CRACDL: variants seen among roughly 807,000 people sequenced by gnomAD.
The protein encoded by CRACDL is CRACD like, also known as CRACD-like protein.
A neutral mutation model predicts 70.6 loss-of-function variants in CRACDL; 26 were observed. The ratio of observed to expected loss-of-function variants is 0.37; its 90% CI spans 0.27 to 0.51. The LOEUF is 0.51. CRACDL is among the 20% of genes least tolerant of loss of function. The probability of loss-of-function intolerance (pLI) is 0.94; values close to 1 mark genes in which losing one functional copy is unlikely to be tolerated. For missense variants in CRACDL, 1,283 were observed against 1,376.9 expected, an observed-to-expected ratio of 0.93 and a Z score of 1.08; for synonymous variants, 618 against 615.2, an observed-to-expected ratio of 1.00 and a Z score of -0.07.
At chr2:98,861,312 A>C (rs535065330) in intron 1 of CRACDL, among the ~76,000 whole-genome samples, 1 of 152,324 alleles carries the variant, frequency 6.6e-6, no homozygotes, top group South Asian at 2.1e-4. Flanking sequence ...ATGCCACTGC[A>C]CTCCAGCGTG....
At chr2:98,865,173 T>G (rs1212252612) in intron 1 of CRACDL, among the ~76,000 whole-genome samples, 1 of 152,026 alleles carries the variant, frequency 6.6e-6, no homozygotes, top group African/African-American at 2.4e-5. Context: ...CCAATAGCAC[T>G]CCGTTTCCTT....
intron 1 of CRACDL, among the ~76,000 whole-genome samples, chr2:98,849,578 G>T (rs186932053): frequency 6.6e-6 from 1 of 151,968 alleles, no homozygotes; most frequent in East Asian, 1.9e-4. Context: ...GGGCCGGGGA[G>T]GGGGGAGCAT....
At position 98,888,795 on chromosome 2, in the gene CRACDL, T is replaced by C. The variant is rs1055757918; in HGVS notation, c.-10-41985A>G. Among the ~76,000 whole-genome samples, 5 of 151,938 alleles carry C rather than the reference T, an allele frequency of 3.3e-5. No homozygotes were observed. In the East Asian group the frequency reaches 7.7e-4, roughly 23 times the overall value. On this transcript the variant is annotated intron_variant, in intron 1 of 9. Coordinates refer to ENST00000397899, the MANE Select transcript of CRACDL (RefSeq NM_207362.3). ...ACACATTTAAATTCAAAGACACAAA[T>C]AGGTTGAAAGTAAAAGAATGGAAAA... is the stretch of plus-strand genomic sequence containing the variant.
intron 1 of CRACDL, among the ~76,000 whole-genome samples, chr2:98,867,109 C>T (rs1057436856): frequency 1.3e-5 from 2 of 152,194 alleles, no homozygotes; most frequent in African/African-American, 4.8e-5. Context: ...TGGCAGGCCA[C>T]AACTTGCTGG....
At chr2:98,877,814 T>C (rs188583285) in intron 1 of CRACDL, among the ~76,000 whole-genome samples, 15 of 152,244 alleles carry the variant, frequency 9.9e-5, no homozygotes. Flanking sequence ...GTTTATAAAG[T>C]CTACAGTAGT....
intron 1 of CRACDL, among the ~76,000 whole-genome samples, chr2:98,896,804 G>A (rs1293443242): frequency 3.3e-5 from 5 of 152,084 alleles, no homozygotes; most frequent in African/African-American, 1.2e-4. Context: ...ATGGTTTTTA[G>A]TTTCTGTCTC....
intron 1 of CRACDL, among the ~76,000 whole-genome samples, chr2:98,928,342 T>C (rs1485303521): frequency 6.6e-6 from 1 of 152,190 alleles, no homozygotes; most frequent in Non-Finnish European, 1.5e-5. Context: ...CCCCAAATGT[T>C]GTAAGAGATC....
In CRACDL at chr2:98,861,824, A is replaced by G. The variant is rs565494821; in HGVS notation, c.-10-15014T>C. 2.6e-5 allele frequency among the ~76,000 whole-genome samples: 4 copies of G among 152,276 alleles called. No individual in the cohort carries two copies. In the South Asian group the frequency reaches 6.2e-4, roughly 24 times the overall value. On this transcript the variant is annotated intron_variant, in intron 1 of 9. Coordinates refer to ENST00000397899, the MANE Select transcript of CRACDL (RefSeq NM_207362.3). ...GCTCTTAGCACAGTAGCATCCACCC[A>G]TCCCCCCACTTCTCCATGCATGTGT...
intron 1 of CRACDL, among the ~76,000 whole-genome samples, chr2:98,874,754 CCCA>C (rs1558617314): frequency 6.6e-6 from 1 of 152,176 alleles, no homozygotes; most frequent in Admixed American, 6.5e-5. Flanking sequence ...ACCCCACCAC[CCCA>C]CCATTAGAGG....
chr2:98,884,678 C>G (rs187647031), intron 1 of CRACDL, among the ~76,000 whole-genome samples: 2 of 152,180 alleles, frequency 1.3e-5, no homozygotes, highest in Non-Finnish European at 2.9e-5. Context: ...GGGATCTGTG[C>G]CCTATAAAAG....
At chr2:98,803,921 T>C (rs1220492638) in intron 7 of CRACDL, among the ~76,000 whole-genome samples, 2 of 152,080 alleles carry the variant, frequency 1.3e-5, no homozygotes, top group Non-Finnish European at 2.9e-5. Context: ...GGGGCAGAGG[T>C]GGGCCCCAGG....
At chr2:98,907,887 C>T (rs1479216268) in intron 1 of CRACDL, among the ~76,000 whole-genome samples, 1 of 152,176 alleles carries the variant, frequency 6.6e-6, no homozygotes, top group African/African-American at 2.4e-5. Context: ...GAACTACATA[C>T]ACTAAGACCA....
At chr2:98,796,978 C>T (rs767086287) in intron 8 of CRACDL, among the ~76,000 whole-genome samples, 4 of 152,158 alleles carry the variant, frequency 2.6e-5, no homozygotes, top group Non-Finnish European at 4.4e-5. Context: ...ATGGAGCTGT[C>T]GACATCATTG....
intron 7 of CRACDL, among the ~76,000 whole-genome samples, chr2:98,817,874 A>G (rs1474030036): frequency 2.6e-5 from 4 of 152,144 alleles, no homozygotes; most frequent in Non-Finnish European, 5.9e-5. Flanking sequence ...TTCTTGCACT[A>G]CCTTCCAAAA....
At chr2:98,858,456 A>G (rs1706797178) in intron 1 of CRACDL, among the ~76,000 whole-genome samples, 1 of 149,562 alleles carries the variant, frequency 6.7e-6, no homozygotes, top group African/African-American at 2.5e-5. Flanking sequence ...TGGAAGTTGC[A>G]GTAAGCCCAG....
chr2:98,794,687 AC>A lies in CRACDL; in HGVS notation c.2750-17del, dbSNP rs147783340. The A allele has an allele frequency of 3.0e-3, 4,858 of 1,598,610 alleles. 14 individuals are homozygous for A. The highest frequency in any genetic ancestry group is 3.4e-3 in the Non-Finnish European group (3,938 of 1,169,440). The stretch of plus-strand genomic sequence containing the variant: ...GCAGACTGAGCTGCTTGGAAGGGAG[AC>A]AAAACCAACAGAAACATGAGCAGTG... On this transcript the variant is annotated splice_polypyrimidine_tract_variant and intron_variant, in intron 9 of 9. Transcript: ENST00000397899.
At chr2:98,853,603 T>C (rs1320358222) in intron 1 of CRACDL, among the ~76,000 whole-genome samples, 1 of 152,204 alleles carries the variant, frequency 6.6e-6, no homozygotes, top group Non-Finnish European at 1.5e-5. Flanking sequence ...ATAATGAATG[T>C]GGTAAATATG....
intron 1 of CRACDL, among the ~76,000 whole-genome samples, chr2:98,891,721 A>AAT (rs1707986736): frequency 2.6e-5 from 4 of 152,146 alleles, no homozygotes; most frequent in Admixed American, 2.6e-4. Flanking sequence ...TTTTTGTCCT[A>AAT]AAAGTATGTG....
chr2:98,930,875 A>G (rs1709056049), intron 1 of CRACDL, among the ~76,000 whole-genome samples: 1 of 152,202 alleles, frequency 6.6e-6, no homozygotes, highest in African/African-American at 2.4e-5. Context: ...TAAGAGAGTA[A>G]TACCTATAAA....
Sources: gnomAD v4.1 joint callset for allele counts (sites outside exome capture counted in the v4.1 genomes callset) on GRCh38, gnomAD v4.1.1 for gene constraint, MANE v1.5 for transcripts, NCBI Gene and HGNC (gene_info 2026-07-23, HGNC 2026-07-21) for gene names.